TEKTL1: variants seen among roughly 807,000 people sequenced by gnomAD.
TEKTL1 encodes tektin like 1.
At chr19:15,021,991 G>A in the TEKTL1 span, 1 of 1,207,652 alleles carries the variant, frequency 8.3e-7, no homozygotes, top group Non-Finnish European at 1.2e-6. Flanking sequence ...AAGCACATCT[G>A]GACCAGGTAT....
the TEKTL1 span, chr19:15,021,217 GC>G: frequency 1.8e-6 from 2 of 1,084,736 alleles, no homozygotes; most frequent in African/African-American, 1.6e-5. Flanking sequence ...TATCCCCCGC[GC>G]CCCCTGGACT....
chr19:15,017,030 G>A, the TEKTL1 span, among the ~76,000 whole-genome samples: 1 of 152,126 alleles, frequency 6.6e-6, no homozygotes, highest in Admixed American at 6.6e-5. Flanking sequence ...AGGCCAGCTT[G>A]CACAGCATAG....
chr19:15,016,392 G>A, the TEKTL1 span, among the ~76,000 whole-genome samples: 1 of 145,338 alleles, frequency 6.9e-6, no homozygotes, highest in African/African-American at 2.6e-5. Context: ...GTTTCACCAT[G>A]TGCGCCAGGC....
At chr19:15,022,930 C>G in the TEKTL1 span, 1 of 1,610,200 alleles carries the variant, frequency 6.2e-7, no homozygotes, top group Non-Finnish European at 8.5e-7. Context: ...ACGAGCTGCT[C>G]GCCACGCACA....
the TEKTL1 span, chr19:15,011,131 G>GC: frequency 2.0e-6 from 3 of 1,529,802 alleles, no homozygotes; most frequent in Non-Finnish European, 2.6e-6. Context: ...AGATGAAGCC[G>GC]CCCGCCTGGT....
chr19:15,014,561 A>G, the TEKTL1 span, among the ~76,000 whole-genome samples: 544 of 151,950 alleles, frequency 3.6e-3, 1 homozygote, highest in African/African-American at 0.013. Flanking sequence ...CTCCTCAGCT[A>G]GACTACATTT....
At chr19:15,018,933 C>T in the TEKTL1 span, among the ~76,000 whole-genome samples, 69 of 151,386 alleles carry the variant, frequency 4.6e-4, no homozygotes, top group African/African-American at 1.6e-3. Context: ...ATTGAGGAAA[C>T]TGTACTGTTC....
the TEKTL1 span, among the ~76,000 whole-genome samples, chr19:15,012,549 G>C: frequency 5.8e-5 from 8 of 137,342 alleles, no homozygotes; most frequent in East Asian, 1.6e-3. Context: ...GAGATAGTGA[G>C]ACTCAAAAAC....
the TEKTL1 span, chr19:15,013,568 A>T: frequency 1.3e-6 from 1 of 792,530 alleles, no homozygotes; most frequent in Non-Finnish European, 2.0e-6. Context: ...TCATCCTTCA[A>T]ACTCAGAGTT....
At chr19:15,015,068 C>A in the TEKTL1 span, among the ~76,000 whole-genome samples, 5 of 152,248 alleles carry the variant, frequency 3.3e-5, no homozygotes, top group Non-Finnish European at 5.9e-5. Context: ...CAAGTGCCTG[C>A]AGTCCCTATT....
the TEKTL1 span, chr19:15,021,352 G>A: frequency 6.2e-7 from 1 of 1,613,878 alleles, no homozygotes; most frequent in South Asian, 1.1e-5. Flanking sequence ...GGCATTTGCA[G>A]CGTGCGCCTT....
chr19:15,011,116 G>A, the TEKTL1 span: 3 of 1,552,940 alleles, frequency 1.9e-6, no homozygotes, highest in South Asian at 1.2e-5. Flanking sequence ...CGCTGTGGAA[G>A]GGCAAGATGA....
At chr19:15,014,739 G>GGGT in the TEKTL1 span, among the ~76,000 whole-genome samples, 1 of 99,476 alleles carries the variant, frequency 1.0e-5, no homozygotes, top group African/African-American at 4.5e-5. Flanking sequence ...GGCGGGGGGC[G>GGGT]GGGGCTGCTG....
the TEKTL1 span, among the ~76,000 whole-genome samples, chr19:15,022,594 G>T: frequency 6.6e-6 from 1 of 152,088 alleles, no homozygotes; most frequent in Non-Finnish European, 1.5e-5. Context: ...CTCCCAAAGT[G>T]CTGGGATTAC....
At chr19:15,019,333 A>G in the TEKTL1 span, among the ~76,000 whole-genome samples, 1 of 152,200 alleles carries the variant, frequency 6.6e-6, no homozygotes, top group East Asian at 1.9e-4. Context: ...TTATTTATCA[A>G]TTATACCTCA....
the TEKTL1 span, among the ~76,000 whole-genome samples, chr19:15,014,308 C>G: frequency 1.3e-5 from 2 of 152,088 alleles, no homozygotes; most frequent in African/African-American, 4.8e-5. Flanking sequence ...TGTTAAGGTT[C>G]GCTGGAAATT....
chr19:15,013,538 G>A, the TEKTL1 span: 1 of 640,076 alleles, frequency 1.6e-6, no homozygotes, highest in Non-Finnish European at 2.7e-6. Flanking sequence ...CCCACCCAAA[G>A]GATGAGAGTA....
chr19:15,016,479 G>A, the TEKTL1 span, among the ~76,000 whole-genome samples: 4 of 152,148 alleles, frequency 2.6e-5, no homozygotes, highest in African/African-American at 9.7e-5. Flanking sequence ...GAGCCACTGC[G>A]CCCGGCCTGG....
chr19:15,018,650 C>CT, the TEKTL1 span, among the ~76,000 whole-genome samples: 5 of 145,520 alleles, frequency 3.4e-5, no homozygotes, highest in Non-Finnish European at 6.0e-5. Flanking sequence ...GATGTCCAGG[C>CT]TGCTGTGAGC....
Sources: allele counts gnomAD v4.1 joint callset (sites outside exome capture counted in the v4.1 genomes callset), GRCh38; gene constraint gnomAD v4.1.1; transcripts MANE v1.5; gene names NCBI Gene and HGNC (gene_info 2026-07-23, HGNC 2026-07-21).